The following C2CD5 variants were observed in gnomAD, a reference collection of about 807,000 sequenced individuals.
C2CD5 encodes the protein C2 domain-containing protein 5.
C2CD5 carries 109 observed loss-of-function variants against 130.3 expected under a neutral mutation model. The observed-to-expected ratio is 0.84, with a 90% CI of 0.72 to 0.98. C2CD5 has a LOEUF of 0.98. Among genes scored for constraint, C2CD5 ranks in the 50% least tolerant of loss-of-function variants. C2CD5 has a pLI of 0.00. For synonymous variants in C2CD5, 454 were observed against 429.2 expected (o/e 1.06, Z -0.71); for missense variants, 996 against 1,261.8 (o/e 0.79, Z 3.19).
intron 14 of C2CD5, among the ~76,000 whole-genome samples, chr12:22,480,811 T>C (rs1565693695): frequency 6.6e-6 from 1 of 152,064 alleles, no homozygotes; most frequent in Non-Finnish European, 1.5e-5. Context: ...AAATTTTTTT[T>C]TTTTTTTTAA....
chr12:22,529,256 T>C (rs1205762733), intron 3 of C2CD5, among the ~76,000 whole-genome samples: 1 of 152,154 alleles, frequency 6.6e-6, no homozygotes, highest in Non-Finnish European at 1.5e-5. Context: ...TCATCTGTCA[T>C]CCAATGGCAT....
intron 10 of C2CD5, among the ~76,000 whole-genome samples, chr12:22,498,140 G>C (rs1229980300): frequency 6.6e-6 from 1 of 152,014 alleles, no homozygotes; most frequent in East Asian, 1.9e-4. Flanking sequence ...GTATCTCTCA[G>C]GGAAAATGAT....
chr12:22,530,111 T>TATATATATAC (rs1301636778), intron 3 of C2CD5, among the ~76,000 whole-genome samples: 18 of 87,546 alleles, frequency 2.1e-4, no homozygotes, highest in Non-Finnish European at 2.6e-4. Flanking sequence ...TATATATATA[T>TATATATATAC]ACACACACAC....
intron 22 of C2CD5, among the ~76,000 whole-genome samples, 189 bp downstream of exon 22, chr12:22,469,520 T>C (rs955981403): frequency 6.6e-6 from 1 of 152,102 alleles, no homozygotes; most frequent in Non-Finnish European, 1.5e-5. Context: ...TAACTTAGAA[T>C]GAAATTACTT....
intron 2 of C2CD5, among the ~76,000 whole-genome samples, chr12:22,543,415 T>C (rs1483581772): frequency 6.6e-6 from 1 of 152,262 alleles, no homozygotes; most frequent in Non-Finnish European, 1.5e-5. Context: ...TCATCAGACC[T>C]ACCAGCCTAT....
At chr12:22,539,580 TTAAG>T (rs1194290685) in intron 2 of C2CD5, among the ~76,000 whole-genome samples, 1 of 152,024 alleles carries the variant, frequency 6.6e-6, no homozygotes, top group Non-Finnish European at 1.5e-5. Flanking sequence ...AGTAATTGCA[TTAAG>T]TGAGGAAGGG....
At chr12:22,512,529 C>T (rs890099737) in intron 9 of C2CD5, 21 of 715,602 alleles carry the variant, frequency 2.9e-5, no homozygotes, top group East Asian at 2.4e-4. Flanking sequence ...CTTTGCATTA[C>T]GAAAAGAAAA....
intron 9 of C2CD5, among the ~76,000 whole-genome samples, chr12:22,507,322 G>C (rs1293714458): frequency 6.6e-6 from 1 of 152,228 alleles, no homozygotes; most frequent in Non-Finnish European, 1.5e-5. Context: ...TGTGGGTTAA[G>C]AGAAAGAGGA....
chr12:22,538,495 G>A (rs966968873), intron 2 of C2CD5, among the ~76,000 whole-genome samples: 3 of 152,250 alleles, frequency 2.0e-5, no homozygotes, highest in African/African-American at 4.8e-5. Context: ...TTACCCAGAG[G>A]AGTATTTACG....
intron 3 of C2CD5, among the ~76,000 whole-genome samples, chr12:22,529,993 A>G (rs1951068880): frequency 6.6e-6 from 1 of 150,902 alleles, no homozygotes; most frequent in Non-Finnish European, 1.5e-5. Context: ...TGGAGCAACC[A>G]CACTACCCTT....
At chr12:22,497,830 T>C (rs1019922112) in intron 10 of C2CD5, among the ~76,000 whole-genome samples, 2 of 151,946 alleles carry the variant, frequency 1.3e-5, no homozygotes, top group Non-Finnish European at 2.9e-5. Context: ...GTCTTTACTA[T>C]CTGTAAATTT....
At chr12:22,526,578 T>A (rs1480544921) in intron 4 of C2CD5, among the ~76,000 whole-genome samples, 1 of 152,082 alleles carries the variant, frequency 6.6e-6, no homozygotes, top group Non-Finnish European at 1.5e-5. Flanking sequence ...GCAAGCTAAC[T>A]AAAAAATTCC....
chr12:22,516,772 T>G (rs955181530), intron 8 of C2CD5, among the ~76,000 whole-genome samples: 1 of 151,792 alleles, frequency 6.6e-6, no homozygotes, highest in Admixed American at 6.6e-5. Flanking sequence ...GTCTTGATTG[T>G]CATGAATTTT....
intron 15 of C2CD5, among the ~76,000 whole-genome samples, chr12:22,477,650 T>C (rs1371947356): frequency 1.3e-5 from 2 of 152,088 alleles, no homozygotes; most frequent in Non-Finnish European, 2.9e-5. Flanking sequence ...AAACAAATAG[T>C]TTCATTCTAA....
In C2CD5 at chr12:22,477,023, A is replaced by C. The variant is rs138747413; in HGVS notation, c.1902+1290T>G. On this transcript the variant is annotated intron_variant, in intron 15 of 26. Transcript: ENST00000446597. ...CAAATATGAATATGTTAACACATCA[A>C]CATTTGCATTCATTTTAAAGAAGCC... Among the ~76,000 whole-genome samples the C allele has an allele frequency of 2.8e-4, 42 of 152,304 alleles. No individual in the cohort carries two copies. The East Asian group carries it at 7.7e-3, about 28-fold the overall frequency.
At chr12:22,465,786 CA>C (rs1941970782) in intron 22 of C2CD5, among the ~76,000 whole-genome samples, 1 of 152,054 alleles carries the variant, frequency 6.6e-6, no homozygotes, top group African/African-American at 2.4e-5. Flanking sequence ...CTATAGCTAT[CA>C]TTTTTCTCAT....
intron 16 of C2CD5, among the ~76,000 whole-genome samples, chr12:22,473,085 A>G (rs1315059925): frequency 6.6e-6 from 1 of 152,198 alleles, no homozygotes; most frequent in Non-Finnish European, 1.5e-5. Flanking sequence ...CAAAGACATC[A>G]TAAGCAATCA....
chr12:22,488,373 T>C (rs1945855804), intron 12 of C2CD5, among the ~76,000 whole-genome samples: 1 of 151,954 alleles, frequency 6.6e-6, no homozygotes, highest in African/African-American at 2.4e-5. Flanking sequence ...CTCTCCAAAT[T>C]TTTTCTAATA....
chr12:22,467,307 C>T (rs1942246241), intron 22 of C2CD5, among the ~76,000 whole-genome samples: 2 of 151,960 alleles, frequency 1.3e-5, no homozygotes, highest in Middle Eastern at 3.4e-3. Context: ...GTAGCTGGGA[C>T]CACAGGCACA....
Sources: allele counts gnomAD v4.1 joint callset (sites outside exome capture counted in the v4.1 genomes callset), GRCh38; gene constraint gnomAD v4.1.1; transcripts MANE v1.5; gene names NCBI Gene and HGNC (gene_info 2026-07-23, HGNC 2026-07-21).